The following PCLO variants were observed in gnomAD, a reference collection of about 807,000 sequenced individuals.
PCLO encodes the protein piccolo presynaptic cytomatrix protein.
In PCLO, 82 loss-of-function variants were observed where a neutral mutation model predicts 427.5. That is an observed-to-expected ratio of 0.19 (90% CI 0.16 to 0.23). The LOEUF is 0.23. PCLO is among the 10% of genes least tolerant of loss of function. The pLI, the probability that PCLO is intolerant of heterozygous loss-of-function variation, is 1.00. For missense variants in PCLO, 6,239 were observed against 6,115.9 expected, an observed-to-expected ratio of 1.02 and a Z score of -0.67; for synonymous variants, 2,357 against 2,155.4, an observed-to-expected ratio of 1.09 and a Z score of -2.59.
chr7:82,972,746 A>G (rs1795933200), intron 3 of PCLO, among the ~76,000 whole-genome samples: 1 of 152,084 alleles, frequency 6.6e-6, no homozygotes, highest in Admixed American at 6.6e-5. Flanking sequence ...TTCCCTGCCC[A>G]CTATGAAGCT....
intron 22 of PCLO, among the ~76,000 whole-genome samples, chr7:82,775,042 C>T (rs1029524647): frequency 1.3e-5 from 2 of 152,104 alleles, no homozygotes; most frequent in African/African-American, 4.8e-5. Flanking sequence ...TAAGTTCCTT[C>T]CATGTCTTTC....
At chr7:82,773,724 C>A (rs560777235) in intron 22 of PCLO, among the ~76,000 whole-genome samples, 3 of 147,424 alleles carry the variant, frequency 2.0e-5, no homozygotes, top group South Asian at 2.2e-4. Context: ...TTGTGCTATT[C>A]TTTTTTTTTT....
chr7:83,113,703 A>G (rs1394093736), intron 3 of PCLO, among the ~76,000 whole-genome samples: 1 of 152,144 alleles, frequency 6.6e-6, no homozygotes, highest in African/African-American at 2.4e-5. Context: ...TAGAACTTGC[A>G]TTCTAGTGAG....
chr7:83,098,249 A>G (rs1170685586), intron 3 of PCLO, among the ~76,000 whole-genome samples: 1 of 152,164 alleles, frequency 6.6e-6, no homozygotes, highest in Non-Finnish European at 1.5e-5. Context: ...TAATACTAAT[A>G]AAATTTTGAG....
At chr7:82,759,176 C>T (rs1333456271) in intron 24 of PCLO, among the ~76,000 whole-genome samples, 2 of 151,682 alleles carry the variant, frequency 1.3e-5, no homozygotes, top group African/African-American at 4.8e-5. Flanking sequence ...GGTGATTTTA[C>T]TATAGTATGT....
At position 82,916,663 on chromosome 7, in the gene PCLO, T is replaced by G. The variant is rs1794473875; in HGVS notation, c.11323A>C (p.Arg3775=). 6.2e-7 allele frequency: 1 copy of G among 1,613,686 alleles called. No individual in the cohort carries two copies. Among genetic ancestry groups the G allele is most frequent in the African/African-American group, 1.3e-5 (1 of 75,034 alleles). ...TTCTTTCGAAGTTTTGCAGACTCCC[T>G]TTCCACAAGATCAAGCTCTCTGTCT... ...DIDRELDLVE[R]ESAKLRKKQA... is the part of the protein sequence containing the mutation. The change falls in exon 7 of 25, where the codon AGG becomes CGG. Residue 3775 remains arginine (R), a synonymous_variant. Coordinates refer to ENST00000333891, the MANE Select transcript of PCLO (RefSeq NM_033026.6).
intron 20 of PCLO, chr7:82,821,281 G>A (rs751773977): frequency 4.1e-5 from 40 of 986,288 alleles, no homozygotes; most frequent in Admixed American, 6.1e-5. Context: ...TAGACTGACC[G>A]CTTTTATGTG....
chr7:82,975,662 C>G (rs183707529), intron 3 of PCLO, among the ~76,000 whole-genome samples: 188 of 152,188 alleles, frequency 1.2e-3, no homozygotes, highest in African/African-American at 4.5e-3. Context: ...TAAATGTTTC[C>G]CGTTACAGTG....
chr7:82,874,564 T>A (rs1441293458), intron 10 of PCLO, among the ~76,000 whole-genome samples: 1 of 152,164 alleles, frequency 6.6e-6, no homozygotes, highest in Non-Finnish European at 1.5e-5. Flanking sequence ...TTTTAAAGAA[T>A]AAGCATGTAG....
chr7:83,015,677 T>C (rs41599), intron 3 of PCLO, among the ~76,000 whole-genome samples: 42,473 of 152,044 alleles, frequency 0.28, 6,428 homozygotes, highest in Middle Eastern at 0.44. Flanking sequence ...ACATGTATTA[T>C]CCTTAAATAA....
chr7:83,107,456 TAA>T (rs1414326352), intron 3 of PCLO, among the ~76,000 whole-genome samples: 2 of 148,688 alleles, frequency 1.3e-5, no homozygotes, highest in Non-Finnish European at 3.0e-5. Flanking sequence ...AAATATGACT[TAA>T]GTTATAAATT....
chr7:82,874,819 G>A (rs1027120909), intron 10 of PCLO, among the ~76,000 whole-genome samples: 13 of 152,098 alleles, frequency 8.5e-5, no homozygotes, highest in African/African-American at 2.9e-4. Flanking sequence ...GCTCAAACTA[G>A]TTCAACAAGA....
intron 6 of PCLO, among the ~76,000 whole-genome samples, chr7:82,935,314 A>T (rs1367114174): frequency 6.6e-6 from 1 of 150,974 alleles, no homozygotes; most frequent in Non-Finnish European, 1.5e-5. Flanking sequence ...CTTTATTCTC[A>T]GTTTTTGACT....
chr7:83,065,717 C>G (rs865840243), intron 3 of PCLO, among the ~76,000 whole-genome samples: 1 of 151,898 alleles, frequency 6.6e-6, no homozygotes, highest in African/African-American at 2.4e-5. Context: ...TTCCATTATA[C>G]AAAAGAAGAA....
chr7:83,125,747 C>T (rs534742633), intron 3 of PCLO, among the ~76,000 whole-genome samples: 4 of 152,104 alleles, frequency 2.6e-5, no homozygotes, highest in Admixed American at 6.5e-5. Context: ...ACAAACACTG[C>T]GGAAGGTCGC....
chr7:83,130,996 T>C (rs377032160), intron 3 of PCLO, among the ~76,000 whole-genome samples: 1 of 152,198 alleles, frequency 6.6e-6, no homozygotes, highest in Non-Finnish European at 1.5e-5. Flanking sequence ...AACAATAAAA[T>C]AAATATCCAT....
chr7:83,125,579 C>T (rs915867059), intron 3 of PCLO, among the ~76,000 whole-genome samples: 1 of 152,168 alleles, frequency 6.6e-6, no homozygotes, highest in East Asian at 1.9e-4. Flanking sequence ...TAATCTATAA[C>T]CTTACCCCCA....
chr7:83,107,220 T>G (rs1390344892), intron 3 of PCLO, among the ~76,000 whole-genome samples: 1 of 152,162 alleles, frequency 6.6e-6, no homozygotes, highest in African/African-American at 2.4e-5. Flanking sequence ...TCAAAATAAA[T>G]TTATTATAGT....
At chr7:82,967,441 C>G (rs896389719) in intron 3 of PCLO, among the ~76,000 whole-genome samples, 5 of 152,090 alleles carry the variant, frequency 3.3e-5, no homozygotes, top group African/African-American at 4.8e-5. Flanking sequence ...TCCCAAAATG[C>G]TGGGATTAGA....
Sources: allele counts gnomAD v4.1 joint callset (sites outside exome capture counted in the v4.1 genomes callset), GRCh38; gene constraint gnomAD v4.1.1; transcripts MANE v1.5; gene names NCBI Gene and HGNC (gene_info 2026-07-23, HGNC 2026-07-21).